The following PACS1 variants were observed in gnomAD, a reference collection of about 807,000 sequenced individuals.
PACS1 encodes the protein PACS-1.
Under a neutral mutation model 115.0 loss-of-function variants are expected in PACS1, and 24 were observed. The observed-to-expected ratio is 0.21, with a 90% CI of 0.15 to 0.29. The LOEUF (loss-of-function observed/expected upper bound fraction) is 0.29, where lower values mean the gene tolerates loss of function less well. Among genes scored for constraint, PACS1 ranks in the 10% least tolerant of loss-of-function variants. The probability of loss-of-function intolerance (pLI) is 1.00; values close to 1 mark genes in which losing one functional copy is unlikely to be tolerated. For missense variants in PACS1, 838 were observed against 1,251.2 expected, an observed-to-expected ratio of 0.67 and a Z score of 4.98; for synonymous variants, 453 against 504.5, an observed-to-expected ratio of 0.90 and a Z score of 1.37.
intron 1 of PACS1, among the ~76,000 whole-genome samples, chr11:66,117,420 A>G (rs373382753): frequency 1.2e-4 from 18 of 149,238 alleles, no homozygotes; most frequent in East Asian, 3.9e-4. Flanking sequence ...AGATCGCACC[A>G]CTGCACTCTA....
intron 1 of PACS1, among the ~76,000 whole-genome samples, chr11:66,160,748 T>G (rs1209142138): frequency 2.7e-5 from 4 of 150,238 alleles, no homozygotes; most frequent in African/African-American, 9.8e-5. Context: ...CTTGAACTCC[T>G]TAGGCTCAAG....
chr11:66,083,185 A>G (rs1857517259), intron 1 of PACS1, among the ~76,000 whole-genome samples: 1 of 152,038 alleles, frequency 6.6e-6, no homozygotes, highest in Non-Finnish European at 1.5e-5. Flanking sequence ...TGAATAAGCA[A>G]CTCTGGAAAC....
intron 1 of PACS1, among the ~76,000 whole-genome samples, chr11:66,078,667 C>T (rs568506810): frequency 4.3e-4 from 66 of 152,366 alleles, no homozygotes; most frequent in African/African-American, 1.5e-3. Context: ...GATCCTCCCT[C>T]CTTAGACTCC....
intron 1 of PACS1, among the ~76,000 whole-genome samples, chr11:66,153,478 C>A (rs1297580083): frequency 6.6e-6 from 1 of 152,040 alleles, no homozygotes; most frequent in Non-Finnish European, 1.5e-5. Flanking sequence ...GACCTTTTCT[C>A]TACCTAAAAA....
Position 66,070,732 on chromosome 11 carries a change from G to C in PACS1, c.246G>C (p.Ser82=). ...TSTSMAVAVA[S]GSAPPGGPGP... is the part of the protein sequence containing the mutation. ...CCTCCATGGCCGTGGCGGTGGCCTCGGGCTCCGCGCCTCCCGGTGGCCCGG... is the reference window on the plus strand; with the variant it reads ...CCTCCATGGCCGTGGCGGTGGCCTCCGGCTCCGCGCCTCCCGGTGGCCCGG... Residue 82 remains serine (S), a synonymous_variant, in exon 1 of 24, where the codon TCG becomes TCC. Transcript: ENST00000320580. The surrounding 1 kb of genome is among the most constrained non-coding windows in gnomAD (Gnocchi z 5.9). 1 of 1,566,478 alleles carries C rather than the reference G, an allele frequency of 6.4e-7. No individual in the cohort carries two copies. The highest frequency in any genetic ancestry group is 2.5e-5 in the East Asian group (1 of 40,656).
At chr11:66,113,391 A>G (rs1858229952) in intron 1 of PACS1, among the ~76,000 whole-genome samples, 1 of 152,104 alleles carries the variant, frequency 6.6e-6, no homozygotes, top group Non-Finnish European at 1.5e-5. Flanking sequence ...CTCAATCTCT[A>G]GTTGGCAAAA....
chr11:66,240,611 AAGG>A (rs1855792586), intron 21 of PACS1, among the ~76,000 whole-genome samples: 1 of 151,898 alleles, frequency 6.6e-6, no homozygotes, highest in Non-Finnish European at 1.5e-5. Flanking sequence ...CAGTAGAGGA[AAGG>A]AGGAAGTACC....
At chr11:66,215,946 ATAAT>A (rs1428027825) in intron 4 of PACS1, among the ~76,000 whole-genome samples, 169 bp from the exon 5 acceptor site, 3 of 145,498 alleles carry the variant, frequency 2.1e-5, no homozygotes, top group Non-Finnish European at 3.0e-5. Context: ...AATAATAATA[ATAAT>A]AAACAAAGTA....
At chr11:66,132,495 C>T (rs1388100576) in intron 1 of PACS1, among the ~76,000 whole-genome samples, 1 of 152,096 alleles carries the variant, frequency 6.6e-6, no homozygotes, top group Non-Finnish European at 1.5e-5. Flanking sequence ...TGCATATAAC[C>T]TACACACATC....
At chr11:66,217,686 C>G in intron 7 of PACS1, 1 of 450,306 alleles carries the variant, frequency 2.2e-6, no homozygotes. Context: ...GGACTGTTTC[C>G]TTGTCCTCAG....
Position 66,232,913 on chromosome 11 carries a change from T to C in PACS1, c.1732-47T>C, listed in dbSNP as rs771841013. ...TTGCCTCTTGGCCCTTGTGAAGGAG[T>C]GATGTGTTCTCACCTGTGTCCCTGC... On this transcript the variant is annotated intron_variant, in intron 14 of 23. Transcript: ENST00000320580. 2.9e-6 allele frequency: 4 copies of C among 1,369,134 alleles called. No homozygotes were observed. In the South Asian group the frequency reaches 4.7e-5, roughly 16 times the overall value. 84.8% of individuals were successfully genotyped at this position (1,369,134 alleles called of 1,614,324 possible).
rs183085619 is a variant in PACS1 at position 66,151,631 on chromosome 11, G to C, written c.357-41855G>C. 5.3e-5 allele frequency among the ~76,000 whole-genome samples: 8 copies of C among 152,322 alleles called. No homozygotes were observed. In the East Asian group the frequency reaches 1.4e-3, roughly 26 times the overall value. On this transcript the variant is annotated intron_variant, in intron 1 of 23. Coordinates refer to ENST00000320580, the MANE Select transcript of PACS1 (RefSeq NM_018026.4). Reference sequence around the variant, plus strand: ...ATATAAAAAGAGAAAGTTCTCAGAAGAACACAGTAGAATCCAGAGTTGCTA... The same window carrying C: ...ATATAAAAAGAGAAAGTTCTCAGAACAACACAGTAGAATCCAGAGTTGCTA...
chr11:66,203,063 A>G (rs1216269031), intron 2 of PACS1, among the ~76,000 whole-genome samples: 3 of 152,118 alleles, frequency 2.0e-5, no homozygotes, highest in Non-Finnish European at 2.9e-5. Context: ...AAAGGAAGAA[A>G]TCAAATTATC....
chr11:66,211,215 T>C lies in PACS1; in HGVS notation c.616T>C (p.Leu206=). 3.7e-6 allele frequency: 6 copies of C among 1,613,790 alleles called. No individual in the cohort carries two copies. The highest frequency in any genetic ancestry group is 5.1e-6 in the Non-Finnish European group (6 of 1,179,714). ...RRKRYKNRTI[L]GYKTLAVGLI... is the part of the protein sequence containing the mutation. ...AAAACGTTACAAGAATCGGACCATCTTGGGCTATAAGACCTTGGCCGTGGG... is the reference window on the plus strand; with the variant it reads ...AAAACGTTACAAGAATCGGACCATCCTGGGCTATAAGACCTTGGCCGTGGG... The change falls in exon 4 of 24, where the codon TTG becomes CTG. Residue 206 remains leucine (L), a synonymous_variant. Transcript: ENST00000320580.
chr11:66,170,226 T>G (rs1456884026), intron 1 of PACS1, among the ~76,000 whole-genome samples: 1 of 150,568 alleles, frequency 6.6e-6, no homozygotes, highest in Non-Finnish European at 1.5e-5. Context: ...ATATATATGC[T>G]TTCTATTCTG....
chr11:66,222,823 C>T (rs766273783), intron 10 of PACS1, among the ~76,000 whole-genome samples: 7 of 152,136 alleles, frequency 4.6e-5, no homozygotes, highest in Non-Finnish European at 1.0e-4. Flanking sequence ...GGGGCATCCC[C>T]TGGCTGCCCT....
chr11:66,074,268 T>C (rs1407676380), intron 1 of PACS1, among the ~76,000 whole-genome samples: 1 of 152,208 alleles, frequency 6.6e-6, no homozygotes, highest in Non-Finnish European at 1.5e-5. Context: ...TTATCTTTTA[T>C]GAAATTCAAG....
chr11:66,089,833 C>T (rs370452374), intron 1 of PACS1, among the ~76,000 whole-genome samples: 8 of 151,830 alleles, frequency 5.3e-5, no homozygotes, highest in East Asian at 3.9e-4. Context: ...AGTGAAACCC[C>T]GTCTCTACTA....
intron 1 of PACS1, among the ~76,000 whole-genome samples, chr11:66,107,925 T>C (rs949671344): frequency 6.6e-6 from 1 of 152,184 alleles, no homozygotes; most frequent in Non-Finnish European, 1.5e-5. Flanking sequence ...AGGAGAAATC[T>C]AATTCCAGCT....
Sources: gnomAD v4.1 joint callset for allele counts (sites outside exome capture counted in the v4.1 genomes callset) on GRCh38, gnomAD v4.1.1 for gene constraint, Gnocchi (gnomAD v3.1) non-coding constraint, MANE v1.5 for transcripts, NCBI Gene and HGNC (gene_info 2026-07-23, HGNC 2026-07-21) for gene names.